LONP2: variants seen among roughly 807,000 people sequenced by gnomAD.
LONP2 encodes lon peptidase 2, peroxisomal.
Under a neutral mutation model 85.6 loss-of-function variants are expected in LONP2, and 60 were observed. That is an observed-to-expected ratio of 0.70 (90% CI 0.57 to 0.87). The LOEUF is 0.87. Among genes scored for constraint, LONP2 ranks in the 40% least tolerant of loss-of-function variants. The probability of loss-of-function intolerance (pLI) is 0.00; values close to 1 mark genes in which losing one functional copy is unlikely to be tolerated. For synonymous variants in LONP2, 395 were observed against 389.7 expected, an observed-to-expected ratio of 1.01 and a Z score of -0.16; for missense variants, 860 against 1,063.5, an observed-to-expected ratio of 0.81 and a Z score of 2.66.
intron 10 of LONP2, 151 bp downstream of exon 10, chr16:48,299,939 C>A: frequency 1.4e-6 from 1 of 702,418 alleles, no homozygotes; most frequent in Non-Finnish European, 2.3e-6. Flanking sequence ...TTATTGGCAT[C>A]CCATAGCATC....
intron 2 of LONP2, among the ~76,000 whole-genome samples, chr16:48,254,813 A>G (rs962990844): frequency 6.6e-6 from 1 of 152,158 alleles, no homozygotes; most frequent in African/African-American, 2.4e-5. Flanking sequence ...TCCTTTAGCC[A>G]TCCTGTACTG....
chr16:48,333,663 T>G (rs940270392), intron 11 of LONP2, among the ~76,000 whole-genome samples: 194 of 100,478 alleles, frequency 1.9e-3, no homozygotes, highest in Admixed American at 2.1e-3. Flanking sequence ...AAAAAAAAAG[T>G]GTTGGGGGGA....
intron 11 of LONP2, among the ~76,000 whole-genome samples, chr16:48,332,602 C>G (rs1959491611): frequency 6.6e-6 from 1 of 152,040 alleles, no homozygotes. Context: ...GTCCCAGCTA[C>G]AGGGAGGTTG....
chr16:48,266,063 G>C (rs143452450), intron 6 of LONP2, among the ~76,000 whole-genome samples: 2 of 152,010 alleles, frequency 1.3e-5, no homozygotes, highest in Admixed American at 1.3e-4. Flanking sequence ...GAGTGCAGTG[G>C]CATGATCTTG....
Position 48,296,020 on chromosome 16 carries a change from G to T in LONP2, c.1389G>T (p.Leu463Phe). The T allele has an allele frequency of 1.9e-6, 3 of 1,613,978 alleles. No homozygotes were observed. Among genetic ancestry groups the T allele is most frequent in the Non-Finnish European group, 2.5e-6 (3 of 1,179,974 alleles). Residue 463 changes from leucine to phenylalanine, a missense_variant, in exon 9 of 15, where the codon TTG becomes TTT. Coordinates refer to ENST00000285737, the MANE Select transcript of LONP2 (RefSeq NM_031490.5). ...TGTTTTTTGTTCTCCCCTAGGTGTTGGATCCTGAACAAAACCATAACTTCA... is the reference window on the plus strand; with the variant it reads ...TGTTTTTTGTTCTCCCCTAGGTGTTTGATCCTGAACAAAACCATAACTTCA... ...GDPAAALLEVLDPEQNHNFTD... is the reference protein window; with the variant it reads ...GDPAAALLEVFDPEQNHNFTD...
chr16:48,312,890 G>A (rs962013271), intron 11 of LONP2, among the ~76,000 whole-genome samples: 1 of 152,164 alleles, frequency 6.6e-6, no homozygotes, highest in African/African-American at 2.4e-5. Context: ...AACTCTCAGG[G>A]GTCCTGGTCT....
intron 7 of LONP2, among the ~76,000 whole-genome samples, chr16:48,272,858 G>T (rs1306711758): frequency 6.6e-6 from 1 of 152,140 alleles, no homozygotes; most frequent in Non-Finnish European, 1.5e-5. Flanking sequence ...TTGGAAGCAC[G>T]TGGAGAGTAG....
At chr16:48,321,431 C>CT (rs1419576423) in intron 11 of LONP2, among the ~76,000 whole-genome samples, 1 of 151,990 alleles carries the variant, frequency 6.6e-6, no homozygotes, top group Non-Finnish European at 1.5e-5. Flanking sequence ...AGATGGATTC[C>CT]TATGTTTTGG....
chr16:48,299,797 G>A lies in LONP2; in HGVS notation c.1661+9G>A. ...CTTGACATCATCACCAGGTTAGTTA[G>A]CCATCCTGAGGCTTCATTAACTCCA... is the stretch of plus-strand genomic sequence containing the variant. On this transcript the variant is annotated intron_variant, in intron 10 of 14. Transcript: ENST00000285737. 6.2e-7 allele frequency: 1 copy of A among 1,609,076 alleles called. No homozygotes were observed. The highest frequency in any genetic ancestry group is 1.7e-4 in the Middle Eastern group (1 of 6,028).
chr16:48,258,115 AG>A (rs1369711270), intron 3 of LONP2, among the ~76,000 whole-genome samples: 5 of 152,124 alleles, frequency 3.3e-5, no homozygotes, highest in Admixed American at 6.5e-5. Context: ...TGGGAGGCCG[AG>A]GTGGGAAGAT....
In LONP2 at chr16:48,300,198, G is replaced by C. The variant is rs534361774; in HGVS notation, c.1661+410G>C. Among the ~76,000 whole-genome samples, 6 of 152,326 alleles carry C rather than the reference G, an allele frequency of 3.9e-5. No homozygotes were observed. In the East Asian group the frequency reaches 1.2e-3, roughly 29 times the overall value. On this transcript the variant is annotated intron_variant, in intron 10 of 14. Transcript: ENST00000285737. ...AAGTTGTTGAATTCTCTTAAGAGGT[G>C]ATATGCTACTTTCAGATAATCTGAT...
intron 8 of LONP2, among the ~76,000 whole-genome samples, chr16:48,279,617 T>G (rs1972284672): frequency 6.6e-6 from 1 of 152,142 alleles, no homozygotes; most frequent in African/African-American, 2.4e-5. Context: ...AACCACTGTT[T>G]TATGTTCTTA....
At chr16:48,334,472 T>C (rs1459861533) in intron 12 of LONP2, 114 bp downstream of exon 12, 1 of 1,291,466 alleles carries the variant, frequency 7.7e-7, no homozygotes, top group African/African-American at 1.5e-5. Flanking sequence ...GGAATAGCCT[T>C]ATTCGACCTT....
Position 48,244,374 on chromosome 16 carries a change from C to G in LONP2, c.-15C>G. ...TGGCTCTTTTTGACAGCCCCCAGTG[C>G]GAAAGGCTGCCAGCATGTCATCAGT... On this transcript the variant is annotated 5_prime_UTR_variant, in exon 1 of 15. Transcript: ENST00000285737. 1 of 1,521,720 alleles carries G rather than the reference C, an allele frequency of 6.6e-7. No homozygotes were observed. The highest frequency in any genetic ancestry group is 8.8e-7 in the Non-Finnish European group (1 of 1,136,592). The allele number at this position is 1,521,720 out of a possible 1,614,324, so 94.3% of individuals were successfully genotyped here.
At chr16:48,335,763 C>T (rs548383739) in intron 12 of LONP2, among the ~76,000 whole-genome samples, 2 of 152,282 alleles carry the variant, frequency 1.3e-5, no homozygotes, top group African/African-American at 4.8e-5. Flanking sequence ...CTAAACTGGT[C>T]ATTAAAGCTA....
chr16:48,269,198 CTG>C (rs1466942175), intron 6 of LONP2, among the ~76,000 whole-genome samples: 6 of 147,046 alleles, frequency 4.1e-5, no homozygotes, highest in African/African-American at 1.5e-4. Flanking sequence ...TTTACATCAT[CTG>C]TTTTTTTTTT....
rs918256132 is a variant in LONP2 at position 48,332,894 on chromosome 16, C to T, written c.1796-1322C>T. 4.7e-5 allele frequency among the ~76,000 whole-genome samples: 7 copies of T among 150,342 alleles called. No individual in the cohort carries two copies. In the South Asian group the frequency reaches 8.3e-4, roughly 18 times the overall value. On this transcript the variant is annotated intron_variant, in intron 11 of 14. Coordinates refer to ENST00000285737, the MANE Select transcript of LONP2 (RefSeq NM_031490.5). ...CTGCACTGCAGCTTGGGTGACAGAG[C>T]GAGACTCTGTCTCAAAAAATATAGA...
At chr16:48,292,362 T>C (rs1972573531) in intron 8 of LONP2, among the ~76,000 whole-genome samples, 1 of 152,190 alleles carries the variant, frequency 6.6e-6, no homozygotes, top group Non-Finnish European at 1.5e-5. Context: ...GAGGGAGATA[T>C]GTAGCTTTTT....
intron 7 of LONP2, among the ~76,000 whole-genome samples, chr16:48,276,171 C>T (rs1972204111): frequency 6.6e-6 from 1 of 152,162 alleles, no homozygotes; most frequent in Non-Finnish European, 1.5e-5. Context: ...TGTGCTAATT[C>T]CTTATATTAA....
Sources: allele counts gnomAD v4.1 joint callset (sites outside exome capture counted in the v4.1 genomes callset), GRCh38; gene constraint gnomAD v4.1.1; transcripts MANE v1.5; gene names NCBI Gene and HGNC (gene_info 2026-07-23, HGNC 2026-07-21).